Variants in CD200R1L observed in about 807,000 individuals in gnomAD.
CD200R1L encodes CD200 receptor 1 like, also known as cell surface glycoprotein CD200 receptor 2.
A neutral mutation model predicts 24.8 loss-of-function variants in CD200R1L; 14 were observed. That is an observed-to-expected ratio of 0.56 (90% CI 0.37 to 0.88). The LOEUF is 0.88. Ranked by LOEUF, CD200R1L falls within the 40% of genes least tolerant of loss-of-function variation. CD200R1L has a pLI of 0.00. For synonymous variants in CD200R1L, 111 were observed against 109.2 expected, an observed-to-expected ratio of 1.02 and a Z score of -0.11; for missense variants, 299 against 297.8, an observed-to-expected ratio of 1.00 and a Z score of -0.03.
Position 112,845,848 on chromosome 3 carries a change from T to C in CD200R1L, c.-256A>G. On this transcript the variant is annotated 5_prime_UTR_variant, in exon 2 of 8. Transcript: ENST00000488794. ...TTGCTTATTCTGTCTTCAACAGGAT[T>C]GCAAAACATATTTCTTCATTATCTT... is the stretch of plus-strand genomic sequence containing the variant. The C allele has an allele frequency of 1.4e-6, 1 of 712,912 alleles. No homozygotes were observed. Among genetic ancestry groups the C allele is most frequent in the South Asian group, 1.8e-5 (1 of 56,244 alleles). The allele number at this position is 712,912 out of a possible 1,614,324, so 44.2% of individuals were successfully genotyped here.
intron 6 of CD200R1L, among the ~76,000 whole-genome samples, chr3:112,820,154 A>G (rs1359508673): frequency 6.6e-6 from 1 of 152,206 alleles, no homozygotes; most frequent in East Asian, 1.9e-4. Flanking sequence ...ACGCATTGCT[A>G]ATACTTTCCA....
intron 6 of CD200R1L, among the ~76,000 whole-genome samples, chr3:112,825,740 T>A (rs908843889): frequency 6.6e-6 from 1 of 151,782 alleles, no homozygotes; most frequent in African/African-American, 2.4e-5. Flanking sequence ...TTTAGGAAAA[T>A]AATTTAAGGA....
intron 3 of CD200R1L, 58 bp from the exon 4 acceptor site, chr3:112,829,442 C>T: frequency 1.3e-6 from 2 of 1,490,662 alleles, no homozygotes; most frequent in South Asian, 2.3e-5. Flanking sequence ...AGAATGGAAA[C>T]AAGTGTTTCC....
chr3:112,821,225 G>T (rs1289028920), intron 6 of CD200R1L, among the ~76,000 whole-genome samples: 1 of 152,156 alleles, frequency 6.6e-6, no homozygotes, highest in Admixed American at 6.5e-5. Context: ...CCTAGGCATT[G>T]TGAGGAAATA....
chr3:112,831,901 A>G (rs1938809903), intron 3 of CD200R1L, among the ~76,000 whole-genome samples: 2 of 152,194 alleles, frequency 1.3e-5, no homozygotes, highest in South Asian at 2.1e-4. Flanking sequence ...CACTTCATTC[A>G]TGCTAAGGCA....
chr3:112,826,885 C>G, intron 6 of CD200R1L, 108 bp downstream of exon 6: 1 of 1,281,420 alleles, frequency 7.8e-7, no homozygotes, highest in Non-Finnish European at 1.1e-6. Flanking sequence ...AGAATATTTT[C>G]AAGCTAGGAG....
At chr3:112,829,106 C>T (rs1271521644) in intron 4 of CD200R1L, among the ~76,000 whole-genome samples, 3 of 152,202 alleles carry the variant, frequency 2.0e-5, no homozygotes, top group Non-Finnish European at 4.4e-5. Context: ...TCCAGCACTC[C>T]ACCTTAGCAA....
chr3:112,829,876 A>G (rs905946149), intron 3 of CD200R1L, among the ~76,000 whole-genome samples: 1 of 152,210 alleles, frequency 6.6e-6, no homozygotes, highest in African/African-American at 2.4e-5. Context: ...GTAGCTCTAT[A>G]GACACTCTTG....
At chr3:112,844,366 T>C (rs1051214202) in intron 2 of CD200R1L, among the ~76,000 whole-genome samples, 2 of 152,080 alleles carry the variant, frequency 1.3e-5, no homozygotes, top group African/African-American at 2.4e-5. Context: ...CACAGTGGAA[T>C]AAAAATAGAA....
At position 112,819,687 on chromosome 3, in the gene CD200R1L, T is replaced by A. The variant is rs1938484188; in HGVS notation, c.740+85A>T. 3 of 1,405,368 alleles carry A rather than the reference T, an allele frequency of 2.1e-6. No individual in the cohort carries two copies. In the South Asian group the frequency reaches 4.8e-5, roughly 22 times the overall value. The allele number at this position is 1,405,368 out of a possible 1,614,324, so 87.1% of individuals were successfully genotyped here. On this transcript the variant is annotated intron_variant, in intron 7 of 7. Coordinates refer to ENST00000488794, the MANE Select transcript of CD200R1L (RefSeq NM_001199215.3). ...ACATACCAAAAAAGTGTCAAGCTTT[T>A]CCCAGTACATTGTAAACTCAAAATG...
At chr3:112,832,025 G>A (rs112163815) in intron 3 of CD200R1L, among the ~76,000 whole-genome samples, 2 of 152,206 alleles carry the variant, frequency 1.3e-5, no homozygotes, top group Admixed American at 1.3e-4. Flanking sequence ...TTTTACCGAG[G>A]TGACCCACTG....
chr3:112,828,993 C>T (rs2107340299), intron 4 of CD200R1L, among the ~76,000 whole-genome samples: 1 of 152,174 alleles, frequency 6.6e-6, no homozygotes, highest in East Asian at 1.9e-4. Context: ...TTATGTGGTA[C>T]TTTAACCCTT....
chr3:112,816,958 G>A (rs1263226857), intron 7 of CD200R1L, among the ~76,000 whole-genome samples: 1 of 152,066 alleles, frequency 6.6e-6, no homozygotes, highest in East Asian at 1.9e-4. Flanking sequence ...CCATGATTAT[G>A]AGGCCTCCCC....
intron 2 of CD200R1L, among the ~76,000 whole-genome samples, chr3:112,840,148 C>G (rs183459826): frequency 6.6e-6 from 1 of 152,316 alleles, no homozygotes; most frequent in Non-Finnish European, 1.5e-5. Context: ...GGCAGAGATT[C>G]TAGATTCAGT....
At chr3:112,837,917 G>A in intron 3 of CD200R1L, 25 bp downstream of exon 3, 2 of 1,054,542 alleles carry the variant, frequency 1.9e-6, no homozygotes, top group Non-Finnish European at 2.4e-6. Context: ...CATCAAACTG[G>A]TTATTAAGTA....
intron 2 of CD200R1L, among the ~76,000 whole-genome samples, chr3:112,840,903 C>G (rs962489891): frequency 6.6e-6 from 1 of 151,986 alleles, no homozygotes; most frequent in Non-Finnish European, 1.5e-5. Context: ...TTATTATTGT[C>G]ATTATTATTT....
intron 2 of CD200R1L, among the ~76,000 whole-genome samples, chr3:112,844,793 G>A (rs150804323): frequency 1.4e-3 from 220 of 152,052 alleles, no homozygotes; most frequent in African/African-American, 4.7e-3. Flanking sequence ...GTGTGGTGGC[G>A]GGTGCCTGTA....
intron 2 of CD200R1L, among the ~76,000 whole-genome samples, chr3:112,838,993 A>G (rs1939022609): frequency 6.6e-6 from 1 of 152,194 alleles, no homozygotes; most frequent in African/African-American, 2.4e-5. Context: ...AGTCCACCCT[A>G]AAAATTTCAA....
chr3:112,821,458 A>G (rs1392210526), intron 6 of CD200R1L, among the ~76,000 whole-genome samples: 1 of 152,236 alleles, frequency 6.6e-6, no homozygotes, highest in African/African-American at 2.4e-5. Context: ...AAATTTCTCC[A>G]CAGGTAGCTA....
Sources: allele counts gnomAD v4.1 joint callset (sites outside exome capture counted in the v4.1 genomes callset), GRCh38; gene constraint gnomAD v4.1.1; transcripts MANE v1.5; gene names NCBI Gene and HGNC (gene_info 2026-07-23, HGNC 2026-07-21).